KPNA4: variants seen among roughly 807,000 people sequenced by gnomAD.
The protein encoded by KPNA4 is karyopherin subunit alpha 4.
Under a neutral mutation model 71.3 loss-of-function variants are expected in KPNA4, and 13 were observed. The ratio of observed to expected loss-of-function variants is 0.18; its 90% CI spans 0.12 to 0.29. The LOEUF (loss-of-function observed/expected upper bound fraction) is 0.29, where lower values mean the gene tolerates loss of function less well. KPNA4 is among the 10% of genes least tolerant of loss of function. The pLI is 1.00. For synonymous variants in KPNA4, 189 were observed against 195.2 expected, an observed-to-expected ratio of 0.97 and a Z score of 0.26; for missense variants, 334 against 603.2, an observed-to-expected ratio of 0.55 and a Z score of 4.67.
intron 1 of KPNA4, among the ~76,000 whole-genome samples, chr3:160,541,200 T>C (rs1721789916): frequency 6.6e-6 from 1 of 152,190 alleles, no homozygotes; most frequent in Admixed American, 6.5e-5. Flanking sequence ...AACACATGGT[T>C]TTTCTTTAAA....
chr3:160,504,988 C>T lies in KPNA4; in HGVS notation c.1437G>A (p.Glu479=), dbSNP rs2108542518. The change falls in exon 16 of 17, where the codon GAG becomes GAA. Residue 479 remains glutamate (E), a synonymous_variant. Transcript: ENST00000334256. ...ENEDIYKLAY[E]IIDQFFSSDD... ...CTGAAGAGAAGAACTGATCAATGAT[C>T]TCATAGGCCAATTTGTAGATGTCTT... 6.4e-7 allele frequency: 1 copy of T among 1,562,992 alleles called. No homozygotes were observed. The highest frequency in any genetic ancestry group is 8.7e-7 in the Non-Finnish European group (1 of 1,154,466).
At chr3:160,522,053 T>C (rs1721359370) in intron 10 of KPNA4, 143 bp from the exon 11 acceptor site, 2 of 681,930 alleles carry the variant, frequency 2.9e-6, no homozygotes, top group Non-Finnish European at 4.9e-6. Context: ...ATCTGATCGC[T>C]ACGGTATTAA....
At chr3:160,551,446 TAAG>T (rs765378009) in intron 1 of KPNA4, among the ~76,000 whole-genome samples, 60 of 152,168 alleles carry the variant, frequency 3.9e-4, no homozygotes, top group Non-Finnish European at 7.1e-4. Context: ...TGTGGAGGTT[TAAG>T]TTCTATCTGG....
chr3:160,556,253 TG>T (rs35728378), intron 1 of KPNA4, among the ~76,000 whole-genome samples: 1 of 152,262 alleles, frequency 6.6e-6, no homozygotes, highest in Non-Finnish European at 1.5e-5. Context: ...GTAGAACTGC[TG>T]GGTCACATGT....
At chr3:160,514,213 T>A (rs1246736447) in intron 12 of KPNA4, 32 bp from the exon 13 acceptor site, 4 of 1,501,936 alleles carry the variant, frequency 2.7e-6, no homozygotes, top group East Asian at 2.4e-5. Flanking sequence ...ATATTTCTCA[T>A]TAAAAAATAA....
intron 1 of KPNA4, among the ~76,000 whole-genome samples, chr3:160,555,503 A>G (rs566885145): frequency 2.6e-5 from 4 of 152,316 alleles, no homozygotes; most frequent in African/African-American, 9.6e-5. Context: ...CTACATATCT[A>G]TGATAAAACT....
rs71628425 is a variant in KPNA4 at position 160,535,900 on chromosome 3, T to TAAAAA, written c.115-8_115-4dup. On this transcript the variant is annotated splice_polypyrimidine_tract_variant and splice_region_variant and intron_variant, in intron 2 of 16. Transcript: ENST00000334256. ...AAGAGATGTTCATCTCTTTTATTCT[T>TAAAAA]AAAAAAAAAAAAAAAAAAAAAAAAA... The TAAAAA allele has an allele frequency of 1.5e-3, 480 of 324,420 alleles. No individual in the cohort carries two copies. Among genetic ancestry groups the TAAAAA allele is most frequent in the Middle Eastern group, 2.5e-3 (2 of 810 alleles). The allele number at this position is 324,420 out of a possible 1,614,324, so 20.1% of individuals were successfully genotyped here.
chr3:160,508,506 A>G (rs1721030568), intron 14 of KPNA4, among the ~76,000 whole-genome samples: 3 of 152,170 alleles, frequency 2.0e-5, no homozygotes, highest in Non-Finnish European at 4.4e-5. Flanking sequence ...ACTCAACTTC[A>G]TATTAAACAT....
At position 160,512,472 on chromosome 3, in the gene KPNA4, C is replaced by T. The variant is rs535800921; in HGVS notation, c.1137+1605G>A. 5.9e-5 allele frequency among the ~76,000 whole-genome samples: 9 copies of T among 152,282 alleles called. No homozygotes were observed. In the South Asian group the frequency reaches 1.9e-3, roughly 32 times the overall value. On this transcript the variant is annotated intron_variant, in intron 13 of 16. Transcript: ENST00000334256. ...CTTTCAAGGTTATTAGGGAACGAGT[C>T]ATTCTAAAAAATGACTGATAAGGAC... is the stretch of plus-strand genomic sequence containing the variant.
intron 1 of KPNA4, among the ~76,000 whole-genome samples, chr3:160,561,240 A>G (rs953438823): frequency 2.6e-5 from 4 of 152,066 alleles, no homozygotes; most frequent in African/African-American, 9.7e-5. Context: ...AACTTTCATA[A>G]AAAGTATGCA....
intron 1 of KPNA4, among the ~76,000 whole-genome samples, chr3:160,538,628 C>G (rs896076313): frequency 2.5e-4 from 38 of 152,186 alleles, no homozygotes; most frequent in African/African-American, 8.9e-4. Context: ...CGCTCCACTT[C>G]GGACTTAAAA....
chr3:160,515,625 T>A, intron 11 of KPNA4, 45 bp from the exon 12 acceptor site: 1 of 1,600,490 alleles, frequency 6.2e-7, no homozygotes, highest in Non-Finnish European at 8.5e-7. Context: ...ATCCTTTTTT[T>A]TTTTTTTGAG....
At chr3:160,509,013 G>T (rs1403070281) in intron 14 of KPNA4, among the ~76,000 whole-genome samples, 1 of 152,094 alleles carries the variant, frequency 6.6e-6, no homozygotes, top group Non-Finnish European at 1.5e-5. Flanking sequence ...TGAATTCACT[G>T]AAAACCACCA....
chr3:160,527,136 T>A (rs903156071), intron 8 of KPNA4, among the ~76,000 whole-genome samples: 3 of 152,192 alleles, frequency 2.0e-5, no homozygotes, highest in Non-Finnish European at 4.4e-5. Context: ...ATCTTTAGAA[T>A]CATTCTCCTT....
chr3:160,510,818 C>T (rs1305775439), intron 13 of KPNA4, among the ~76,000 whole-genome samples: 2 of 151,460 alleles, frequency 1.3e-5, no homozygotes, highest in African/African-American at 4.8e-5. Context: ...TTGAGAGGAC[C>T]TCGCTGTTGC....
intron 1 of KPNA4, among the ~76,000 whole-genome samples, chr3:160,541,498 T>C (rs1021580678): frequency 2.0e-5 from 3 of 151,748 alleles, no homozygotes; most frequent in African/African-American, 7.3e-5. Context: ...GCACGAGAGA[T>C]CTTCTGTGTG....
intron 11 of KPNA4, among the ~76,000 whole-genome samples, chr3:160,517,237 A>G (rs1342668037): frequency 6.6e-6 from 1 of 151,994 alleles, no homozygotes; most frequent in Non-Finnish European, 1.5e-5. Context: ...TTTTTTGTCT[A>G]GCTTCTTTCA....
chr3:160,558,155 C>T, intron 1 of KPNA4, among the ~76,000 whole-genome samples: 1 of 152,294 alleles, frequency 6.6e-6, no homozygotes, highest in South Asian at 2.1e-4. Flanking sequence ...TAGTAACCCA[C>T]TTAAAACATA....
At chr3:160,565,106 C>T in intron 1 of KPNA4, 108 bp downstream of exon 1, 1 of 914,682 alleles carries the variant, frequency 1.1e-6, no homozygotes, top group Non-Finnish European at 1.7e-6. Flanking sequence ...GCGCCATTCC[C>T]CGAGGCCTGG....
Sources: gnomAD v4.1 joint callset for allele counts (sites outside exome capture counted in the v4.1 genomes callset) on GRCh38, gnomAD v4.1.1 for gene constraint, MANE v1.5 for transcripts, NCBI Gene and HGNC (gene_info 2026-07-23, HGNC 2026-07-21) for gene names.